The following RARB variants were observed in gnomAD, a reference collection of about 807,000 sequenced individuals.
RARB encodes HBV-activated protein.
Under a neutral mutation model 51.9 loss-of-function variants are expected in RARB, and 17 were observed. That is an observed-to-expected ratio of 0.33 (90% CI 0.22 to 0.49). The LOEUF is 0.49. Among genes scored for constraint, RARB ranks in the 20% least tolerant of loss-of-function variants. The probability of loss-of-function intolerance (pLI) is 0.99; values close to 1 mark genes in which losing one functional copy is unlikely to be tolerated. For missense variants in RARB, 369 were observed against 550.8 expected, an observed-to-expected ratio of 0.67 and a Z score of 3.30; for synonymous variants, 215 against 195.4, an observed-to-expected ratio of 1.10 and a Z score of -0.84.
chr3:25,228,707 A>C (rs545565144), intron 5 of RARB, among the ~76,000 whole-genome samples: 1 of 152,196 alleles, frequency 6.6e-6, no homozygotes, highest in South Asian at 2.1e-4. Flanking sequence ...ATCCTTGCTA[A>C]GTTCTCTATG....
At chr3:25,184,150 G>A (rs953744998) in intron 5 of RARB, among the ~76,000 whole-genome samples, 3 of 149,898 alleles carry the variant, frequency 2.0e-5, no homozygotes, top group Non-Finnish European at 4.4e-5. Context: ...TTTTTTTCTA[G>A]TTATTGCCCA....
intron 1 of RARB, among the ~76,000 whole-genome samples, chr3:25,433,848 C>G (rs1708308914): frequency 6.6e-6 from 1 of 152,152 alleles, no homozygotes; most frequent in African/African-American, 2.4e-5. Flanking sequence ...CTCCCCAAAC[C>G]CCTTTAAATG....
intron 2 of RARB, among the ~76,000 whole-genome samples, chr3:24,883,627 A>G (rs1438459914): frequency 6.6e-6 from 1 of 152,122 alleles, no homozygotes; most frequent in Non-Finnish European, 1.5e-5. Flanking sequence ...TCATCTATGA[A>G]GTGTCAGCAG....
chr3:24,927,301 G>T (rs1431441150), intron 2 of RARB, among the ~76,000 whole-genome samples: 2 of 152,040 alleles, frequency 1.3e-5, no homozygotes, highest in African/African-American at 4.8e-5. Flanking sequence ...GGCTTAATTT[G>T]TTCTGAGTTC....
chr3:25,564,623 C>A (rs1700414139), intron 3 of RARB, among the ~76,000 whole-genome samples: 1 of 152,180 alleles, frequency 6.6e-6, no homozygotes. Context: ...TCTACCTTAT[C>A]ATTTGCAAAA....
chr3:25,005,246 A>C (rs1195334318), intron 2 of RARB, among the ~76,000 whole-genome samples: 1 of 152,142 alleles, frequency 6.6e-6, no homozygotes, highest in Non-Finnish European at 1.5e-5. Flanking sequence ...TGCCTGTATC[A>C]GTTATTTATT....
intron 2 of RARB, among the ~76,000 whole-genome samples, chr3:25,496,740 G>T (rs1450947461): frequency 2.6e-5 from 4 of 152,224 alleles, no homozygotes; most frequent in Admixed American, 6.5e-5. Context: ...GCTTAGATCA[G>T]TCAGAGAAGG....
chr3:24,929,135 T>C (rs1695388712), intron 2 of RARB, among the ~76,000 whole-genome samples: 2 of 152,086 alleles, frequency 1.3e-5, no homozygotes, highest in African/African-American at 4.8e-5. Flanking sequence ...TTAACATTAT[T>C]TGAAAATAAT....
chr3:25,161,810 A>T (rs138714554), intron 4 of RARB, among the ~76,000 whole-genome samples: 2 of 152,374 alleles, frequency 1.3e-5, no homozygotes, highest in African/African-American at 4.8e-5. Flanking sequence ...TATTCCCTGA[A>T]GATGAATAGG....
intron 5 of RARB, among the ~76,000 whole-genome samples, chr3:25,333,172 A>G (rs1001580726): frequency 7.3e-5 from 11 of 151,672 alleles, no homozygotes; most frequent in Non-Finnish European, 1.0e-4. Context: ...ATTGGAAAAA[A>G]CTACTTTAAA....
intron 2 of RARB, among the ~76,000 whole-genome samples, chr3:25,465,716 G>A (rs1298892576): frequency 1.3e-5 from 2 of 152,224 alleles, no homozygotes; most frequent in East Asian, 1.9e-4. Context: ...CCCTGTTTAG[G>A]GGGTTTCCAG....
chr3:25,399,743 TG>T (rs1246188313), intron 5 of RARB, among the ~76,000 whole-genome samples: 1 of 151,990 alleles, frequency 6.6e-6, no homozygotes, highest in Non-Finnish European at 1.5e-5. Flanking sequence ...CAACTAAAAG[TG>T]GGAAGAAGAA....
chr3:25,346,978 ACT>A (rs905874491), intron 5 of RARB, among the ~76,000 whole-genome samples: 9 of 152,174 alleles, frequency 5.9e-5, no homozygotes, highest in African/African-American at 2.2e-4. Context: ...AGGTATACAA[ACT>A]CTAACGAGTG....
chr3:25,208,646 A>G (rs1454168867), intron 5 of RARB, among the ~76,000 whole-genome samples: 5 of 152,010 alleles, frequency 3.3e-5, no homozygotes, highest in Admixed American at 3.3e-4. Context: ...TCACTGCACC[A>G]TACATTTGGC....
intron 5 of RARB, among the ~76,000 whole-genome samples, chr3:25,384,002 C>CTAA (rs1706713650): frequency 6.6e-6 from 1 of 151,836 alleles, no homozygotes; most frequent in Non-Finnish European, 1.5e-5. Context: ...CTACACAGAT[C>CTAA]TGTAAGATCA....
At chr3:25,233,804 G>A (rs140021380) in intron 5 of RARB, among the ~76,000 whole-genome samples, 3,273 of 147,390 alleles carry the variant, frequency 0.022, 65 homozygotes, top group Middle Eastern at 0.052. Flanking sequence ...GTTGAATTTT[G>A]TCTAATAGTT....
chr3:25,241,044 A>G (rs1702418625), intron 5 of RARB, among the ~76,000 whole-genome samples: 1 of 152,084 alleles, frequency 6.6e-6, no homozygotes, highest in Non-Finnish European at 1.5e-5. Context: ...TTTCTTCTTG[A>G]TTAAGTCTAA....
intron 3 of RARB, among the ~76,000 whole-genome samples, chr3:25,098,574 C>T (rs76163873): frequency 0.043 from 6,529 of 152,196 alleles, 231 homozygotes; most frequent in African/African-American, 0.091. Context: ...TAACAAACTA[C>T]GGCTGGTGGG....
chr3:25,352,757 T>C (rs1205761889), intron 5 of RARB, among the ~76,000 whole-genome samples: 1 of 152,172 alleles, frequency 6.6e-6, no homozygotes, highest in Non-Finnish European at 1.5e-5. Context: ...ACTGCATCCA[T>C]TTCAGGAATA....
Sources: allele counts gnomAD v4.1 joint callset (sites outside exome capture counted in the v4.1 genomes callset), GRCh38; gene constraint gnomAD v4.1.1; transcripts MANE v1.5; gene names NCBI Gene and HGNC (gene_info 2026-07-23, HGNC 2026-07-21).